The following AKR1C3 variants were observed in gnomAD, a reference collection of about 807,000 sequenced individuals.
The protein encoded by AKR1C3 is 3-alpha hydroxysteroid dehydrogenase, type II.
A neutral mutation model predicts 43.6 loss-of-function variants in AKR1C3; 48 were observed. The observed-to-expected ratio is 1.10, with a 90% CI of 0.87 to 1.40. The LOEUF is 1.40. AKR1C3 is among the 40% of genes most tolerant of loss of function. AKR1C3 has a pLI of 0.00. For missense variants in AKR1C3, 482 were observed against 391.2 expected (o/e 1.23, Z -1.96); for synonymous variants, 162 against 139.6 (o/e 1.16, Z -1.13).
chr10:5,066,693 C>G lies in AKR1C3; in HGVS notation c.84+17798C>G, dbSNP rs530135200. 4.6e-5 allele frequency among the ~76,000 whole-genome samples: 7 copies of G among 152,310 alleles called. No individual in the cohort carries two copies. In the East Asian group the frequency reaches 1.4e-3, roughly 29 times the overall value. On this transcript the variant is annotated intron_variant, in intron 1 of 8. Coordinates refer to the AKR1C3 transcript ENST00000439082. ...TTAAAGAATGAGCTAGATAAAGAGT[C>G]TACTCACTTAACTTAGCAGTCTCAT...
At chr10:5,095,723 C>T (rs1044101613) in intron 1 of AKR1C3, among the ~76,000 whole-genome samples, 4 of 128,924 alleles carry the variant, frequency 3.1e-5, no homozygotes, top group Non-Finnish European at 4.9e-5. Flanking sequence ...TTTTTTATGG[C>T]AGAACTGTAC....
chr10:5,088,716 T>C (rs1839024519), intron 1 of AKR1C3, among the ~76,000 whole-genome samples: 1 of 151,844 alleles, frequency 6.6e-6, no homozygotes, highest in African/African-American at 2.4e-5. Flanking sequence ...ATGGTAGATC[T>C]CCTGTAGATA....
chr10:5,065,273 T>G (rs982027854), intron 1 of AKR1C3, among the ~76,000 whole-genome samples: 2 of 152,198 alleles, frequency 1.3e-5, no homozygotes, highest in African/African-American at 4.8e-5. Flanking sequence ...TCAAAGAATA[T>G]AAATCATTCT....
chr10:5,102,131 A>C lies in AKR1C3; in HGVS notation c.601A>C (p.Lys201Gln). 1 of 1,613,880 alleles carries C rather than the reference A, an allele frequency of 6.2e-7. No homozygotes were observed. Among genetic ancestry groups the C allele is most frequent in the East Asian group, 2.2e-5 (1 of 44,858 alleles). ...ATGTCATCCGTATTTCAACCGGAGT[A>C]AATTGCTAGATTTCTGCAAGTCGAA... is the stretch of plus-strand genomic sequence containing the variant. ...VECHPYFNRS[K>Q]LLDFCKSKDI... The change falls in exon 6 of 9, where the codon AAA becomes CAA. Residue 201 changes from lysine (K) to glutamine (Q), a missense_variant. Physicochemically the swap from Lys to Gln is moderately conservative, Grantham distance 53 (BLOSUM62 1). Transcript: ENST00000380554.
At chr10:5,099,711 A>G (rs532410314) in intron 5 of AKR1C3, 8 of 500,968 alleles carry the variant, frequency 1.6e-5, no homozygotes, top group African/African-American at 1.5e-4. Context: ...GCCTGGAATC[A>G]TCAATTAGAA....
At chr10:5,059,533 G>T (rs976293757) in intron 1 of AKR1C3, among the ~76,000 whole-genome samples, 5 of 152,172 alleles carry the variant, frequency 3.3e-5, no homozygotes, top group Admixed American at 6.5e-5. Context: ...GCAGAAGCTG[G>T]TTATAGGCAA....
intron 1 of AKR1C3, among the ~76,000 whole-genome samples, chr10:5,064,551 G>T (rs1189244692): frequency 6.6e-6 from 1 of 152,064 alleles, no homozygotes; most frequent in African/African-American, 2.4e-5. Context: ...AAACTAAACA[G>T]CTTCTACACA....
chr10:5,098,760 A>C (rs1441874157), intron 3 of AKR1C3, 42 bp from the exon 4 acceptor site: 3 of 1,555,532 alleles, frequency 1.9e-6, no homozygotes, highest in African/African-American at 1.4e-5. Flanking sequence ...TGAGTGGAGA[A>C]ATTAATTTGT....
chr10:5,106,649 G>C (rs587593622), intron 8 of AKR1C3, among the ~76,000 whole-genome samples: 6 of 152,060 alleles, frequency 3.9e-5, no homozygotes, highest in Non-Finnish European at 5.9e-5. Context: ...TACTTGGAAG[G>C]CTGAGGCAGG....
intron 1 of AKR1C3, among the ~76,000 whole-genome samples, chr10:5,062,071 A>G (rs1352610780): frequency 1.3e-5 from 2 of 152,256 alleles, no homozygotes; most frequent in African/African-American, 4.8e-5. Context: ...TTAGGAGTAC[A>G]AAGTAAATCA....
intron 1 of AKR1C3, among the ~76,000 whole-genome samples, chr10:5,070,865 T>G (rs1554781268): frequency 6.6e-6 from 1 of 152,206 alleles, no homozygotes; most frequent in East Asian, 1.9e-4. Flanking sequence ...TATTTATAAC[T>G]AACCAGTCTG....
In AKR1C3 at chr10:5,099,940, C is replaced by T. The variant is rs1839306483; in HGVS notation, c.570+491C>T. The T allele has an allele frequency of 2.6e-5, 4 of 156,616 alleles. No homozygotes were observed. The South Asian group carries it at 5.7e-4, about 22-fold the overall frequency. The allele number at this position is 156,616 out of a possible 1,614,324, so 9.7% of individuals were successfully genotyped here. A position where few individuals can be genotyped will look rare whatever the true frequency, so the allele number is the denominator to read the frequency against. On this transcript the variant is annotated intron_variant, in intron 5 of 8. Coordinates refer to ENST00000380554, the MANE Select transcript of AKR1C3 (RefSeq NM_003739.6). Reference sequence around the variant, plus strand: ...TTCTTGATGTTTCAACAATTCTTGACCAGGGGCATAGATATACTAAAAATT... The same window carrying T: ...TTCTTGATGTTTCAACAATTCTTGATCAGGGGCATAGATATACTAAAAATT...
upstream of AKR1C3, among the ~76,000 whole-genome samples, chr10:5,090,455 A>G (rs1839066244): frequency 6.6e-6 from 1 of 152,140 alleles, no homozygotes; most frequent in African/African-American, 2.4e-5. Context: ...TCCAGGCCAC[A>G]GTGTAGCTGA....
At chr10:5,092,898 T>G (rs549597180), upstream of AKR1C3, among the ~76,000 whole-genome samples, 2 of 152,212 alleles carry the variant, frequency 1.3e-5, no homozygotes, top group Admixed American at 6.6e-5. Context: ...TTTCAAAATA[T>G]AGACATTTTT....
intron 2 of AKR1C3, among the ~76,000 whole-genome samples, 187 bp downstream of exon 2, chr10:5,096,764 G>C (rs1385956633): frequency 6.6e-6 from 1 of 152,116 alleles, no homozygotes. Flanking sequence ...TTTTGGCTGT[G>C]TTCCAATTTA....
chr10:5,092,984 A>G (rs1474956306), upstream of AKR1C3, among the ~76,000 whole-genome samples: 8 of 152,096 alleles, frequency 5.3e-5, no homozygotes, highest in African/African-American at 1.9e-4. Context: ...GTCTTAGCAT[A>G]AGCCCAACAT....
upstream of AKR1C3, among the ~76,000 whole-genome samples, chr10:5,093,084 C>CT (rs782799061): frequency 6.6e-6 from 1 of 152,048 alleles, no homozygotes. Context: ...TACCTACTGG[C>CT]TTTTGAATAG....
chr10:5,048,952 A>C (rs995188531), intron 1 of AKR1C3: 1 of 1,432,250 alleles, frequency 7.0e-7, no homozygotes, highest in African/African-American at 1.4e-5. Context: ...GAATAAGTGG[A>C]AGCTGACCTG....
intron 1 of AKR1C3, among the ~76,000 whole-genome samples, chr10:5,087,270 CAA>C (rs1228109541): frequency 1.4e-4 from 21 of 151,690 alleles, no homozygotes; most frequent in Middle Eastern, 6.8e-3. Context: ...CTGGTGGTGA[CAA>C]AGTCTCTATA....
Sources: gnomAD v4.1 joint callset for allele counts (sites outside exome capture counted in the v4.1 genomes callset) on GRCh38, gnomAD v4.1.1 for gene constraint, MANE v1.5 for transcripts, NCBI Gene and HGNC (gene_info 2026-07-23, HGNC 2026-07-21) for gene names.